The following NOMO1 variants were observed in gnomAD, a reference collection of about 807,000 sequenced individuals.
NOMO1 encodes nodal modulator 3.
NOMO1 carries 40 observed loss-of-function variants against 133.8 expected under a neutral mutation model. The ratio of observed to expected loss-of-function variants is 0.30; its 90% CI spans 0.23 to 0.39. NOMO1 has a LOEUF of 0.39. Among genes scored for constraint, NOMO1 ranks in the 10% least tolerant of loss-of-function variants. NOMO1 has a pLI of 1.00. For missense variants in NOMO1, 462 were observed against 1,419.9 expected (o/e 0.33, Z 10.84); for synonymous variants, 236 against 570.5 (o/e 0.41, Z 8.36).
chr16:14,835,373 C>T (rs1030192654), intron 1 of NOMO1, among the ~76,000 whole-genome samples: 3 of 151,230 alleles, frequency 2.0e-5, no homozygotes, highest in African/African-American at 4.9e-5. Flanking sequence ...CCGCCTAGGT[C>T]TGCACTGGGG....
chr16:14,836,678 T>G (rs963069497), intron 1 of NOMO1, among the ~76,000 whole-genome samples: 5 of 151,594 alleles, frequency 3.3e-5, no homozygotes, highest in African/African-American at 1.2e-4. Context: ...TAATACAAAC[T>G]GCTTTTTCCA....
chr16:14,850,819 A>C (rs922347533), intron 6 of NOMO1, among the ~76,000 whole-genome samples: 1 of 151,880 alleles, frequency 6.6e-6, no homozygotes, highest in Non-Finnish European at 1.5e-5. Context: ...GCAGTTGCTC[A>C]TGCTGTAATT....
chr16:14,885,228 A>G (rs1439811062), intron 27 of NOMO1, among the ~76,000 whole-genome samples: 1 of 151,980 alleles, frequency 6.6e-6, no homozygotes, highest in African/African-American at 2.4e-5. Context: ...GCAGGGACAA[A>G]TATCCAAACA....
chr16:14,859,586 G>T (rs1963891907), intron 11 of NOMO1, among the ~76,000 whole-genome samples: 2 of 151,968 alleles, frequency 1.3e-5, no homozygotes, highest in African/African-American at 4.8e-5. Context: ...AGGCAGAGGT[G>T]GGCGGATCGA....
chr16:14,873,760 A>ATC (rs1292397196), intron 18 of NOMO1, among the ~76,000 whole-genome samples: 1 of 151,802 alleles, frequency 6.6e-6, no homozygotes, highest in African/African-American at 2.4e-5. Flanking sequence ...TATGGAATGC[A>ATC]TCTTCCAGCT....
chr16:14,894,944 G>A (rs1964462232), intron 29 of NOMO1, 54 bp from the exon 30 acceptor site: 3 of 1,611,932 alleles, frequency 1.9e-6, no homozygotes, highest in African/African-American at 2.7e-5. Context: ...CATTGTGGAT[G>A]ATGGACAATC....
chr16:14,857,716 G>A (rs2606820), intron 11 of NOMO1, 61 bp downstream of exon 11: 65,065 of 1,559,756 alleles, frequency 0.042, 2,912 homozygotes, highest in Non-Finnish European at 0.048. Flanking sequence ...GTGTAGAACC[G>A]AATGACCTGT....
chr16:14,849,896 CTTT>C (rs1171906105), intron 6 of NOMO1, among the ~76,000 whole-genome samples: 55 of 87,784 alleles, frequency 6.3e-4, no homozygotes, highest in African/African-American at 2.3e-3. Flanking sequence ...CAGATACAGT[CTTT>C]TTTTTTTTTT....
rs4781631 is a variant in NOMO1 at position 14,839,024 on chromosome 16, T to G, written c.255+528T>G. ...TTACCTCCCTCTGTAGTGATAACCT[T>G]TGATAATCTGATAAAGGGTTTTTTT... On this transcript the variant is annotated intron_variant, in intron 2 of 30. Transcript: ENST00000287667. Among the ~76,000 whole-genome samples the G allele has an allele frequency of 7.9e-3, 1,195 of 152,044 alleles. 36 individuals are homozygous for G. The highest frequency in any genetic ancestry group is 0.027 in the African/African-American group (1,114 of 41,414).
intron 23 of NOMO1, 138 bp downstream of exon 23, chr16:14,878,972 C>A: frequency 1.1e-6 from 1 of 944,800 alleles, no homozygotes; most frequent in Middle Eastern, 3.2e-4. Flanking sequence ...TGGGGGCCCA[C>A]GGTCATTAGA....
chr16:14,879,752 A>G (rs1307017626), intron 23 of NOMO1, among the ~76,000 whole-genome samples: 5 of 149,138 alleles, frequency 3.4e-5, no homozygotes, highest in Admixed American at 3.3e-4. Flanking sequence ...AAAAAAAAAA[A>G]AAAAAAGAAA....
intron 11 of NOMO1, among the ~76,000 whole-genome samples, chr16:14,862,151 T>C (rs1347321068): frequency 6.6e-6 from 1 of 151,930 alleles, no homozygotes; most frequent in African/African-American, 2.4e-5. Context: ...ATTATCTTTA[T>C]GTCAGAAGTA....
chr16:14,835,176 A>G (rs1963485515), intron 1 of NOMO1, among the ~76,000 whole-genome samples: 1 of 143,430 alleles, frequency 7.0e-6, no homozygotes, highest in South Asian at 2.3e-4. Flanking sequence ...TGGTGTTGGG[A>G]GAGAAACAGT....
chr16:14,874,964 C>A, intron 18 of NOMO1, 72 bp from the exon 19 acceptor site: 1 of 1,602,228 alleles, frequency 6.2e-7, no homozygotes, highest in Non-Finnish European at 8.5e-7. Flanking sequence ...CAAGTCCATA[C>A]TCGTAGAAAG....
rs769071749 is a variant in NOMO1, at chr16:14,876,432, G to C, written c.2430G>C (p.Glu810Asp). 3.1e-6 allele frequency: 5 copies of C among 1,611,338 alleles called. No homozygotes were observed. Among genetic ancestry groups the C allele is most frequent in the Non-Finnish European group, 3.4e-6 (4 of 1,179,762 alleles). Residue 810 changes from glutamate (E) to aspartate (D), a missense_variant, in exon 21 of 31, where the codon GAG becomes GAC. By Grantham distance (45) the Glu-to-Asp change is conservative. Transcript: ENST00000287667. ...GLFLEGQIHP[E>D]LEGVEIVISE... ...TTTTAGAAGGCCAGATCCACCCCGA[G>C]TTGGAAGGAGTCGAGATTGTCATCA...
intron 11 of NOMO1, among the ~76,000 whole-genome samples, chr16:14,862,029 C>A (rs1963929039): frequency 6.6e-6 from 1 of 151,574 alleles, no homozygotes; most frequent in Non-Finnish European, 1.5e-5. Context: ...CTAGATTTCA[C>A]ATACACAATC....
At chr16:14,887,158 C>T (rs1177824833) in intron 28 of NOMO1, among the ~76,000 whole-genome samples, 2 of 152,008 alleles carry the variant, frequency 1.3e-5, no homozygotes, top group African/African-American at 2.4e-5. Flanking sequence ...TTTTCAGGCA[C>T]GTGTGCGCAT....
At chr16:14,859,044 T>G (rs1172873742) in intron 11 of NOMO1, among the ~76,000 whole-genome samples, 1 of 152,026 alleles carries the variant, frequency 6.6e-6, no homozygotes, top group East Asian at 1.9e-4. Flanking sequence ...TGGTAAATCC[T>G]GAAGATTTGG....
intron 29 of NOMO1, among the ~76,000 whole-genome samples, chr16:14,893,119 T>G (rs1964430313): frequency 6.6e-6 from 1 of 150,840 alleles, no homozygotes; most frequent in African/African-American, 2.5e-5. Flanking sequence ...TTGCCTGAGT[T>G]TACCCAGTGA....
Sources: gnomAD v4.1 joint callset for allele counts (sites outside exome capture counted in the v4.1 genomes callset) on GRCh38, gnomAD v4.1.1 for gene constraint, MANE v1.5 for transcripts, NCBI Gene and HGNC (gene_info 2026-07-23, HGNC 2026-07-21) for gene names.